The following ANKRD11 variants were observed in gnomAD, a reference collection of about 807,000 sequenced individuals.
ANKRD11 encodes the protein ankyrin repeat domain-containing protein 11.
ANKRD11 carries 17 observed loss-of-function variants against 195.7 expected under a neutral mutation model. That is an observed-to-expected ratio of 0.09 (90% CI 0.06 to 0.13). The LOEUF (loss-of-function observed/expected upper bound fraction) is 0.13, where lower values mean the gene tolerates loss of function less well. Among genes scored for constraint, ANKRD11 ranks in the 10% least tolerant of loss-of-function variants. The pLI is 1.00. For synonymous variants in ANKRD11, 1,953 were observed against 1,528.1 expected, an observed-to-expected ratio of 1.28 and a Z score of -6.49; for missense variants, 3,735 against 3,566.1, an observed-to-expected ratio of 1.05 and a Z score of -1.21.
intron 2 of ANKRD11, among the ~76,000 whole-genome samples, chr16:89,371,623 C>T (rs2040197252): frequency 6.6e-6 from 1 of 152,172 alleles, no homozygotes; most frequent in African/African-American, 2.4e-5. Flanking sequence ...ACTCCCTGCC[C>T]ACATGACGAC....
At chr16:89,408,647 C>T (rs1690986291) in intron 2 of ANKRD11, among the ~76,000 whole-genome samples, 3 of 152,096 alleles carry the variant, frequency 2.0e-5, no homozygotes, top group Admixed American at 2.0e-4. Flanking sequence ...GCTACAGCAG[C>T]CCCTCCTCGC....
chr16:89,278,108 T>G, intron 9 of ANKRD11: 1 of 231,624 alleles, frequency 4.3e-6, no homozygotes. Flanking sequence ...CTAGGCACAG[T>G]GTGAGTGGAG....
At chr16:89,485,986 G>A (rs1043160790) in intron 1 of ANKRD11, among the ~76,000 whole-genome samples, 7 of 152,122 alleles carry the variant, frequency 4.6e-5, no homozygotes, top group Admixed American at 1.3e-4. Flanking sequence ...AACTGCTTCT[G>A]GCCCTTCTAC....
At chr16:89,352,810 G>A (rs1371928982) in intron 2 of ANKRD11, among the ~76,000 whole-genome samples, 1 of 152,168 alleles carries the variant, frequency 6.6e-6, no homozygotes, top group African/African-American at 2.4e-5. Context: ...CCTTCAAGAT[G>A]ACCACATGGG....
intron 4 of ANKRD11, chr16:89,304,973 G>A (rs909654324): frequency 3.8e-4 from 236 of 619,008 alleles, no homozygotes; most frequent in Non-Finnish European, 2.5e-4. Context: ...CACGTGTGTG[G>A]GACCCAAGAG....
At chr16:89,489,237 G>C (rs1473815480) in intron 1 of ANKRD11, 2 of 150,968 alleles carry the variant, frequency 1.3e-5, no homozygotes, top group African/African-American at 2.5e-5. Flanking sequence ...GCGCGCGCGC[G>C]CGCGCGCGCA....
chr16:89,278,683 G>A (rs1185690967), intron 9 of ANKRD11: 2 of 479,064 alleles, frequency 4.2e-6, no homozygotes, highest in Non-Finnish European at 8.2e-6. Context: ...GTCCAAGGGA[G>A]AAGGGGGCGG....
At position 89,330,407 on chromosome 16, in the gene ANKRD11, C is replaced by T. The variant is rs1037943796; in HGVS notation, c.-59-13329G>A. Among the ~76,000 whole-genome samples, 4 of 152,048 alleles carry T rather than the reference C, an allele frequency of 2.6e-5. No individual in the cohort carries two copies. The East Asian group carries it at 5.8e-4, about 22-fold the overall frequency. ...GCTGCTTCCCAGGTGGCCGCTCGCA[C>T]ACCGGGAGGGCTGCTGCTGGCTCTG... On this transcript the variant is annotated intron_variant, in intron 2 of 12. Transcript: ENST00000301030.
In ANKRD11 at chr16:89,362,942, G is replaced by A. The variant is rs144386355; in HGVS notation, c.-59-45864C>T. ...GGTCCCGTTCCAGCCAATGGAAACCGGACACAGCAGTTGGTATAAAAAAAC... is the reference window on the plus strand; with the variant it reads ...GGTCCCGTTCCAGCCAATGGAAACCAGACACAGCAGTTGGTATAAAAAAAC... On this transcript the variant is annotated intron_variant, in intron 2 of 12. Coordinates refer to ENST00000301030, the MANE Select transcript of ANKRD11 (RefSeq NM_013275.6). Among the ~76,000 whole-genome samples, 1,126 of 152,010 alleles carry A rather than the reference G, an allele frequency of 7.4e-3. 13 individuals carry two copies. Among genetic ancestry groups the A allele is most frequent in the African/African-American group, 0.025 (1,051 of 41,326 alleles).
chr16:89,482,290 G>A (rs934681812), intron 1 of ANKRD11, among the ~76,000 whole-genome samples: 3 of 152,174 alleles, frequency 2.0e-5, no homozygotes, highest in African/African-American at 4.8e-5. Flanking sequence ...CAGCCACACC[G>A]TGCTTTACAA....
chr16:89,385,521 T>C (rs1192238787), intron 2 of ANKRD11, among the ~76,000 whole-genome samples: 1 of 150,856 alleles, frequency 6.6e-6, no homozygotes, highest in Non-Finnish European at 1.5e-5. Flanking sequence ...CGAGACCCTG[T>C]GGGTATCCCT....
chr16:89,369,127 G>A (rs926831541), intron 2 of ANKRD11, among the ~76,000 whole-genome samples: 1 of 152,044 alleles, frequency 6.6e-6, no homozygotes, highest in Non-Finnish European at 1.5e-5. Context: ...ATCTACCCTA[G>A]AAAGGACCAA....
At chr16:89,379,291 C>G (rs2040547793) in intron 2 of ANKRD11, among the ~76,000 whole-genome samples, 1 of 152,214 alleles carries the variant, frequency 6.6e-6, no homozygotes, top group African/African-American at 2.4e-5. Context: ...TCACAAAGAC[C>G]TTGTGCCAGT....
intron 1 of ANKRD11, among the ~76,000 whole-genome samples, chr16:89,434,693 C>T (rs1175262444): frequency 6.6e-6 from 1 of 152,230 alleles, no homozygotes; most frequent in East Asian, 1.9e-4. Flanking sequence ...TGGGCAGAGA[C>T]TCACACAGCC....
At chr16:89,386,999 C>A (rs1053765619) in intron 2 of ANKRD11, among the ~76,000 whole-genome samples, 2 of 151,952 alleles carry the variant, frequency 1.3e-5, no homozygotes, top group African/African-American at 2.4e-5. Context: ...CCTGTATCGA[C>A]TGGGTGCTCT....
chr16:89,294,347 C>A (rs140870829), intron 4 of ANKRD11, among the ~76,000 whole-genome samples: 29 of 152,264 alleles, frequency 1.9e-4, no homozygotes, highest in African/African-American at 7.0e-4. Flanking sequence ...CAACTTTTCA[C>A]CCAGCTCTCC....
Position 89,463,036 on chromosome 16 carries a change from C to T in ANKRD11, c.-145+27209G>A, listed in dbSNP as rs560062158. On this transcript the variant is annotated intron_variant, in intron 1 of 12. Coordinates refer to ENST00000301030, the MANE Select transcript of ANKRD11 (RefSeq NM_013275.6). ...CCCCCCGCCAGGCCAGCCGCCCCATCCGGGAGGGAGGTGGGGGGGTCAGCC... is the reference window on the plus strand; with the variant it reads ...CCCCCCGCCAGGCCAGCCGCCCCATTCGGGAGGGAGGTGGGGGGGTCAGCC... Among the ~76,000 whole-genome samples, 670 of 140,302 alleles carry T rather than the reference C, an allele frequency of 4.8e-3. 2 individuals are homozygous for T. The highest frequency in any genetic ancestry group is 0.026 in the South Asian group (112 of 4,322). 92.0% of individuals were successfully genotyped at this position (140,302 alleles called of 152,430 possible).
Position 89,280,404 on chromosome 16 carries a change from G to A in ANKRD11, c.6138C>T (p.Ala2046=), listed in dbSNP as rs756460819. 1.3e-5 allele frequency: 20 copies of A among 1,559,604 alleles called. No individual in the cohort carries two copies. The highest frequency in any genetic ancestry group is 2.3e-5 in the East Asian group (1 of 44,164). ...DVKDGVDAVP[A]AISTSEAAPY... is the part of the protein sequence containing the mutation. ...GAGCCGCCTCTGAGGTGGAGATGGC[G>A]GCGGGGACGGCGTCCACTCCGTCCT... Residue 2046 remains alanine (A), a synonymous_variant, in exon 9 of 13, where the codon GCC becomes GCT. Coordinates refer to ENST00000301030, the MANE Select transcript of ANKRD11 (RefSeq NM_013275.6).
intron 2 of ANKRD11, among the ~76,000 whole-genome samples, chr16:89,407,485 T>C (rs2041952439): frequency 6.6e-6 from 1 of 151,974 alleles, no homozygotes; most frequent in African/African-American, 2.4e-5. Flanking sequence ...CACGTTCGCC[T>C]CGTCAGGGCT....
Sources: gnomAD v4.1 joint callset for allele counts (sites outside exome capture counted in the v4.1 genomes callset) on GRCh38, gnomAD v4.1.1 for gene constraint, MANE v1.5 for transcripts, NCBI Gene and HGNC (gene_info 2026-07-23, HGNC 2026-07-21) for gene names.